Variants in PARD3 observed in about 807,000 individuals in gnomAD.
PARD3 encodes par-3 family cell polarity regulator, also known as partitioning defective 3 homolog.
Under a neutral mutation model 155.4 loss-of-function variants are expected in PARD3, and 75 were observed. The observed-to-expected ratio is 0.48, with a 90% CI of 0.40 to 0.58. PARD3 has a LOEUF of 0.58. PARD3 is among the 20% of genes least tolerant of loss of function. The probability of loss-of-function intolerance (pLI) is 0.00; values close to 1 mark genes in which losing one functional copy is unlikely to be tolerated. For synonymous variants in PARD3, 576 were observed against 610.5 expected, an observed-to-expected ratio of 0.94 and a Z score of 0.83; for missense variants, 1,642 against 1,721.7, an observed-to-expected ratio of 0.95 and a Z score of 0.82.
At chr10:34,300,870 G>A (rs1260528796) in intron 20 of PARD3, among the ~76,000 whole-genome samples, 1 of 152,170 alleles carries the variant, frequency 6.6e-6, no homozygotes, top group South Asian at 2.1e-4. Flanking sequence ...GTGAATGACA[G>A]TCTCTCACCA....
At chr10:34,536,574 AGATATTACAAGTACT>A (rs2083248128) in intron 2 of PARD3, among the ~76,000 whole-genome samples, 1 of 152,260 alleles carries the variant, frequency 6.6e-6, no homozygotes, top group Non-Finnish European at 1.5e-5. Flanking sequence ...ACCTATATAA[AGATATTACAAGTACT>A]GAATCATTAT....
intron 22 of PARD3, among the ~76,000 whole-genome samples, chr10:34,171,715 G>A (rs1241472368): frequency 6.6e-6 from 1 of 151,796 alleles, no homozygotes; most frequent in Admixed American, 6.6e-5. Flanking sequence ...TTGGGAGGCC[G>A]AGGCAGGGTG....
chr10:34,423,056 A>G (rs1238322267), intron 5 of PARD3, among the ~76,000 whole-genome samples: 1 of 152,132 alleles, frequency 6.6e-6, no homozygotes, highest in Admixed American at 6.6e-5. Flanking sequence ...AACAGTGTTT[A>G]TCAATAGACC....
chr10:34,324,969 T>C (rs547820328), intron 19 of PARD3, among the ~76,000 whole-genome samples: 1 of 152,304 alleles, frequency 6.6e-6, no homozygotes, highest in African/African-American at 2.4e-5. Flanking sequence ...CATATTATTT[T>C]ATTTGAAATG....
intron 2 of PARD3, among the ~76,000 whole-genome samples, chr10:34,523,997 T>C (rs2082313417): frequency 6.6e-6 from 1 of 152,198 alleles, no homozygotes; most frequent in Non-Finnish European, 1.5e-5. Context: ...AATTCCCCTT[T>C]TTCTATCTCT....
intron 20 of PARD3, among the ~76,000 whole-genome samples, chr10:34,306,016 G>A (rs536631168): frequency 6.6e-6 from 1 of 151,628 alleles, no homozygotes; most frequent in Non-Finnish European, 1.5e-5. Context: ...AAATTAAGCT[G>A]GGCACGGTAG....
At chr10:34,161,632 T>C (rs1394595612) in intron 22 of PARD3, among the ~76,000 whole-genome samples, 1 of 152,150 alleles carries the variant, frequency 6.6e-6, no homozygotes, top group Non-Finnish European at 1.5e-5. Context: ...CCATGACGGT[T>C]GACAATCACT....
chr10:34,377,571 C>G (rs1338803831), intron 10 of PARD3, among the ~76,000 whole-genome samples: 1 of 152,024 alleles, frequency 6.6e-6, no homozygotes, highest in Non-Finnish European at 1.5e-5. Flanking sequence ...GCCTGGGCGA[C>G]AGAGCGAGAC....
chr10:34,745,305 T>C (rs1351953756), intron 1 of PARD3, among the ~76,000 whole-genome samples: 1 of 151,736 alleles, frequency 6.6e-6, no homozygotes, highest in Non-Finnish European at 1.5e-5. Flanking sequence ...GAGGATGCAG[T>C]GTACTATGAT....
At chr10:34,691,909 C>T (rs1410881804) in intron 2 of PARD3, among the ~76,000 whole-genome samples, 1 of 152,190 alleles carries the variant, frequency 6.6e-6, no homozygotes, top group Admixed American at 6.5e-5. Flanking sequence ...AATATTGACA[C>T]TGGACCCCTT....
chr10:34,649,696 C>T (rs2092949613), intron 2 of PARD3, among the ~76,000 whole-genome samples: 1 of 152,216 alleles, frequency 6.6e-6, no homozygotes, highest in Non-Finnish European at 1.5e-5. Context: ...GGCTACACTA[C>T]ATTTTCTAAA....
rs374140039 is a variant in PARD3, at chr10:34,133,996, A to T, written c.3420-2413T>A. On this transcript the variant is annotated intron_variant, in intron 22 of 24. Coordinates refer to ENST00000374788, the MANE Select transcript of PARD3 (RefSeq NM_001184785.2). ...GACAAATCTGAACTGATTGGCCTGG[A>T]ACATTAAAGGTGAACAGGTCTGTAA... Among the ~76,000 whole-genome samples, 4 of 152,332 alleles carry T rather than the reference A, an allele frequency of 2.6e-5. No homozygotes were observed. In the South Asian group the frequency reaches 8.3e-4, roughly 32 times the overall value.
intron 22 of PARD3, among the ~76,000 whole-genome samples, chr10:34,140,610 T>A (rs1167174224): frequency 6.6e-6 from 1 of 152,184 alleles, no homozygotes; most frequent in Non-Finnish European, 1.5e-5. Flanking sequence ...GGAAGACTTA[T>A]GAGGAATGGA....
intron 5 of PARD3, among the ~76,000 whole-genome samples, chr10:34,423,763 A>T (rs538262979): frequency 2.4e-4 from 37 of 152,332 alleles, no homozygotes; most frequent in African/African-American, 8.7e-4. Flanking sequence ...ATTGTTTTTA[A>T]GAGAACCAGA....
At chr10:34,609,287 TC>T (rs1251388290) in intron 2 of PARD3, among the ~76,000 whole-genome samples, 2 of 152,180 alleles carry the variant, frequency 1.3e-5, no homozygotes, top group African/African-American at 4.8e-5. Context: ...AAAATAAGAT[TC>T]CTCTGTCAAA....
At chr10:34,801,639 G>A (rs1842851859) in intron 1 of PARD3, among the ~76,000 whole-genome samples, 1 of 152,148 alleles carries the variant, frequency 6.6e-6, no homozygotes, top group Admixed American at 6.6e-5. Context: ...GGTGCCTTTA[G>A]CCAAACTAAA....
At chr10:34,350,318 C>G (rs1837913468) in intron 14 of PARD3, among the ~76,000 whole-genome samples, 1 of 152,130 alleles carries the variant, frequency 6.6e-6, no homozygotes, top group South Asian at 2.1e-4. Flanking sequence ...TGCTATCACC[C>G]CCTTGCAGGC....
intron 22 of PARD3, 71 bp from the exon 23 acceptor site, chr10:34,131,654 A>C (rs1947619730): frequency 5.9e-6 from 8 of 1,360,908 alleles, no homozygotes; most frequent in Non-Finnish European, 1.0e-6. Flanking sequence ...TGCTAGCAAA[A>C]CATGGCAACT....
At chr10:34,182,885 G>A (rs1950327681) in intron 22 of PARD3, among the ~76,000 whole-genome samples, 2 of 152,144 alleles carry the variant, frequency 1.3e-5, no homozygotes, top group South Asian at 4.1e-4. Flanking sequence ...TTTCTCATCA[G>A]AAATTCAAAT....
Sources: gnomAD v4.1 joint callset for allele counts (sites outside exome capture counted in the v4.1 genomes callset) on GRCh38, gnomAD v4.1.1 for gene constraint, MANE v1.5 for transcripts, NCBI Gene and HGNC (gene_info 2026-07-23, HGNC 2026-07-21) for gene names.